The following ANO2 variants were observed in gnomAD, a reference collection of about 807,000 sequenced individuals.
ANO2 encodes anoctamin 2.
In ANO2, 101 loss-of-function variants were observed where a neutral mutation model predicts 124.2. The ratio of observed to expected loss-of-function variants is 0.81; its 90% CI spans 0.69 to 0.96. The LOEUF (loss-of-function observed/expected upper bound fraction) is 0.96, where lower values mean the gene tolerates loss of function less well. Among genes scored for constraint, ANO2 ranks in the 40% least tolerant of loss-of-function variants. The pLI, the probability that ANO2 is intolerant of heterozygous loss-of-function variation, is 0.00. For synonymous variants in ANO2, 486 were observed against 482.5 expected (o/e 1.01, Z -0.09); for missense variants, 1,293 against 1,274.5 (o/e 1.01, Z -0.22).
At chr12:5,660,347 G>C in intron 14 of ANO2, among the ~76,000 whole-genome samples, 1 of 150,976 alleles carries the variant, frequency 6.6e-6, no homozygotes, top group Non-Finnish European at 1.5e-5. Context: ...TCCGGGCTTT[G>C]ACTCCTCTCC....
At chr12:5,919,706 TTTC>T (rs1175690494) in intron 3 of ANO2, among the ~76,000 whole-genome samples, 4 of 150,296 alleles carry the variant, frequency 2.7e-5, no homozygotes, top group Non-Finnish European at 5.9e-5. Context: ...GTCATTTTTT[TTTC>T]TTTTTTGAGA....
intron 3 of ANO2, among the ~76,000 whole-genome samples, chr12:5,883,281 G>A (rs982146258): frequency 6.6e-6 from 1 of 152,138 alleles, no homozygotes; most frequent in African/African-American, 2.4e-5. Flanking sequence ...GAGGACACAT[G>A]TCCCCCAGGG....
At chr12:5,821,510 A>G (rs556955899) in intron 7 of ANO2, among the ~76,000 whole-genome samples, 7 of 152,366 alleles carry the variant, frequency 4.6e-5, no homozygotes, top group African/African-American at 1.2e-4. Flanking sequence ...CACTTGGGTC[A>G]CATGACCCAG....
intron 17 of ANO2, among the ~76,000 whole-genome samples, chr12:5,613,646 G>A (rs1173900447): frequency 1.3e-5 from 2 of 152,086 alleles, no homozygotes; most frequent in Non-Finnish European, 2.9e-5. Context: ...ATCCATTTAA[G>A]GCTGTGTAAG....
At chr12:5,632,807 C>T (rs1007425248) in intron 16 of ANO2, among the ~76,000 whole-genome samples, 1 of 152,142 alleles carries the variant, frequency 6.6e-6, no homozygotes, top group Non-Finnish European at 1.5e-5. Flanking sequence ...GATAATGTGA[C>T]ACAAATGAAC....
intron 10 of ANO2, among the ~76,000 whole-genome samples, chr12:5,788,408 A>T (rs1173734576): frequency 6.6e-6 from 1 of 152,248 alleles, no homozygotes; most frequent in Non-Finnish European, 1.5e-5. Flanking sequence ...AAGTGTCCCC[A>T]GTAGGATGAT....
chr12:5,921,982 A>G (rs1357194359), intron 2 of ANO2, among the ~76,000 whole-genome samples: 2 of 152,094 alleles, frequency 1.3e-5, no homozygotes, highest in African/African-American at 2.4e-5. Context: ...ACAAAGACCA[A>G]TTTCTAGTCA....
chr12:5,768,306 G>T (rs923078504), intron 10 of ANO2, among the ~76,000 whole-genome samples: 1 of 152,138 alleles, frequency 6.6e-6, no homozygotes, highest in African/African-American at 2.4e-5. Context: ...TCATTGGAAA[G>T]GCTTGTTCTC....
intron 7 of ANO2, among the ~76,000 whole-genome samples, chr12:5,825,101 G>A (rs915822256): frequency 2.0e-5 from 3 of 152,202 alleles, no homozygotes; most frequent in African/African-American, 7.2e-5. Flanking sequence ...CTCATAGAAT[G>A]TCTTATCCAC....
At chr12:5,861,408 C>T (rs1041152239) in intron 3 of ANO2, among the ~76,000 whole-genome samples, 1 of 151,638 alleles carries the variant, frequency 6.6e-6, no homozygotes, top group Non-Finnish European at 1.5e-5. Context: ...GACTGGAGGT[C>T]GCGCTCCTGG....
chr12:5,788,573 T>C (rs1427464431), intron 10 of ANO2, among the ~76,000 whole-genome samples: 1 of 148,504 alleles, frequency 6.7e-6, no homozygotes, highest in African/African-American at 2.4e-5. Context: ...TTTGTTTTTG[T>C]TTTTGGAGAC....
At chr12:5,832,094 G>C (rs751518364) in intron 5 of ANO2, among the ~76,000 whole-genome samples, 1 of 152,148 alleles carries the variant, frequency 6.6e-6, no homozygotes, top group Non-Finnish European at 1.5e-5. Flanking sequence ...AACCCTATTA[G>C]ACTGGCAATT....
At chr12:5,715,372 C>T (rs1240938389) in intron 14 of ANO2, among the ~76,000 whole-genome samples, 1 of 152,206 alleles carries the variant, frequency 6.6e-6, no homozygotes, top group Non-Finnish European at 1.5e-5. Flanking sequence ...CATTGAAGAG[C>T]TCTTGATCCA....
At chr12:5,885,077 C>G (rs1170172749) in intron 3 of ANO2, among the ~76,000 whole-genome samples, 1 of 152,218 alleles carries the variant, frequency 6.6e-6, no homozygotes, top group Non-Finnish European at 1.5e-5. Flanking sequence ...TCCGTGGAAG[C>G]CGAACAAAAT....
chr12:5,907,380 T>C (rs928712452), intron 3 of ANO2, among the ~76,000 whole-genome samples: 1 of 152,222 alleles, frequency 6.6e-6, no homozygotes, highest in African/African-American at 2.4e-5. Flanking sequence ...ATCTAGTAAG[T>C]AGTGGTATTC....
intron 3 of ANO2, among the ~76,000 whole-genome samples, chr12:5,860,337 G>A (rs184616374): frequency 2.0e-5 from 3 of 152,256 alleles, no homozygotes; most frequent in Admixed American, 2.0e-4. Context: ...CAATCATTGT[G>A]TCACTAAGCA....
chr12:5,922,334 T>G (rs796514741), intron 2 of ANO2, among the ~76,000 whole-genome samples: 41 of 152,296 alleles, frequency 2.7e-4, no homozygotes, highest in African/African-American at 9.1e-4. Flanking sequence ...AGAAGACAGT[T>G]GCTCAGGCTT....
chr12:5,880,258 T>A (rs542881323), intron 3 of ANO2, among the ~76,000 whole-genome samples: 1 of 152,224 alleles, frequency 6.6e-6, no homozygotes, highest in East Asian at 1.9e-4. Flanking sequence ...AAAACATAAA[T>A]CCAGGCATTT....
chr12:5,920,386 G>A (rs2136301722), intron 3 of ANO2, among the ~76,000 whole-genome samples: 1 of 152,260 alleles, frequency 6.6e-6, no homozygotes, highest in South Asian at 2.1e-4. Flanking sequence ...ACCATATGGA[G>A]AAGGCCACTA....
Sources: allele counts gnomAD v4.1 joint callset (sites outside exome capture counted in the v4.1 genomes callset), GRCh38; gene constraint gnomAD v4.1.1; transcripts MANE v1.5; gene names NCBI Gene and HGNC (gene_info 2026-07-23, HGNC 2026-07-21).